Variants in NAALAD2 observed in about 807,000 individuals in gnomAD.
The protein encoded by NAALAD2 is N-acetylated alpha-linked acidic dipeptidase 2, also known as N-acetylated-alpha-linked acidic dipeptidase 2.
Under a neutral mutation model 95.6 loss-of-function variants are expected in NAALAD2, and 89 were observed. The ratio of observed to expected loss-of-function variants is 0.93; its 90% CI spans 0.78 to 1.11. The LOEUF (loss-of-function observed/expected upper bound fraction) is 1.11. NAALAD2 is among the 50% of genes least tolerant of loss of function. NAALAD2 has a pLI of 0.00. For synonymous variants in NAALAD2, 264 were observed against 294.4 expected (o/e 0.90, Z 1.06); for missense variants, 894 against 872.4 (o/e 1.02, Z -0.31).
intron 18 of NAALAD2, among the ~76,000 whole-genome samples, chr11:90,186,992 C>T (rs1365330223): frequency 1.3e-5 from 2 of 150,450 alleles, no homozygotes; most frequent in African/African-American, 2.4e-5. Context: ...AAAAAACAAC[C>T]CCATCAAAAA....
intron 8 of NAALAD2, 118 bp downstream of exon 8, chr11:90,159,455 AT>A: frequency 4.6e-6 from 3 of 657,364 alleles, no homozygotes; most frequent in South Asian, 2.0e-5. Context: ...CTAAACAACC[AT>A]TTTACATTAC....
intron 6 of NAALAD2, among the ~76,000 whole-genome samples, chr11:90,153,752 C>G (rs929526867): frequency 7.2e-5 from 11 of 152,046 alleles, no homozygotes; most frequent in Non-Finnish European, 1.3e-4. Flanking sequence ...TATAGTTTCA[C>G]TGTATGAATC....
intron 16 of NAALAD2, among the ~76,000 whole-genome samples, chr11:90,180,778 T>A (rs1478049989): frequency 6.6e-6 from 1 of 152,068 alleles, no homozygotes; most frequent in Non-Finnish European, 1.5e-5. Flanking sequence ...CATCCATGTA[T>A]TCAACCAACT....
In NAALAD2 at chr11:90,168,977, G is replaced by A; in HGVS notation, c.1327G>A (p.Asp443Asn). The A allele has an allele frequency of 3.1e-6, 5 of 1,603,292 alleles. No individual in the cohort carries two copies. The highest frequency in any genetic ancestry group is 4.2e-6 in the Non-Finnish European group (5 of 1,176,536). Residue 443 changes from aspartate (D) to asparagine (N), a missense_variant, in exon 12 of 19, where the codon GAT becomes AAT. Physicochemically the swap from Asp to Asn is conservative, Grantham distance 23. Transcript: ENST00000534061. Reference protein sequence around the residue: ...QERSIAYINSDSSIEGNYTLR... With the variant: ...QERSIAYINSNSSIEGNYTLR... ...GAGAAGCATTGCTTATATCAACTCG[G>A]ATTCATCTATAGAAGGTAAATTTTA...
chr11:90,191,769 T>C lies in NAALAD2; in HGVS notation c.*22T>C, dbSNP rs1565160281. On this transcript the variant is annotated 3_prime_UTR_variant, in exon 19 of 19. Coordinates refer to ENST00000534061, the MANE Select transcript of NAALAD2 (RefSeq NM_005467.4). ...ATAGAAGGTCTCAAGTGGCTAGCCA[T>C]TAAAGGTGTTGCTAAAAGTCTGAGG... 2 of 1,469,584 alleles carry C rather than the reference T, an allele frequency of 1.4e-6. No homozygotes were observed. Among genetic ancestry groups the C allele is most frequent in the East Asian group, 2.4e-5 (1 of 41,264 alleles). The allele number at this position is 1,469,584 out of a possible 1,614,324, so 91.0% of individuals were successfully genotyped here. A position where few individuals can be genotyped will look rare whatever the true frequency, so the allele number is the denominator to read the frequency against.
chr11:90,162,877 G>GT lies in NAALAD2; in HGVS notation c.990-66dup, dbSNP rs1952335629. 9.1e-6 allele frequency: 8 copies of GT among 881,038 alleles called. No homozygotes were observed. The Admixed American group carries it at 1.0e-4, about 11-fold the overall frequency. The allele number at this position is 881,038 out of a possible 1,614,324, so 54.6% of individuals were successfully genotyped here. On this transcript the variant is annotated intron_variant, in intron 8 of 18. Coordinates refer to ENST00000534061, the MANE Select transcript of NAALAD2 (RefSeq NM_005467.4). ...ATAATAAAACACTATTATGAAAATA[G>GT]TTTTTTATAATAAAACACTGTAAAA...
rs1857325456 is a variant in NAALAD2 at position 90,191,491 on chromosome 11, TAAACA to T, written c.2034-63_2034-59del. On this transcript the variant is annotated intron_variant, in intron 18 of 18. Coordinates refer to ENST00000534061, the MANE Select transcript of NAALAD2 (RefSeq NM_005467.4). ...TATCACAAGGAAACATCATGTGGTC[TAAACA>T]AAAAGCATGCAAAATGCATGTATAC... 11 of 1,217,756 alleles carry T rather than the reference TAAACA, an allele frequency of 9.0e-6. 1 individual carries two copies. The South Asian group carries it at 2.3e-4, about 25-fold the overall frequency. The allele number at this position is 1,217,756 out of a possible 1,614,324, so 75.4% of individuals were successfully genotyped here.
At chr11:90,185,555 T>A (rs1031118624) in intron 18 of NAALAD2, among the ~76,000 whole-genome samples, 3 of 152,162 alleles carry the variant, frequency 2.0e-5, no homozygotes, top group African/African-American at 7.2e-5. Flanking sequence ...CAATCCTAGC[T>A]ACTTGGGAGG....
chr11:90,183,032 T>C, intron 18 of NAALAD2, 24 bp downstream of exon 18: 1 of 1,563,718 alleles, frequency 6.4e-7, no homozygotes, highest in South Asian at 1.1e-5. Context: ...AGGCGCCAAA[T>C]ACATCACTGT....
At chr11:90,146,874 A>G (rs576329) in intron 2 of NAALAD2, among the ~76,000 whole-genome samples, 1 of 152,184 alleles carries the variant, frequency 6.6e-6, no homozygotes, top group Non-Finnish European at 1.5e-5. Flanking sequence ...CTTTGAGATC[A>G]ATGAGATAAA....
chr11:90,164,988 A>C (rs920137229), intron 11 of NAALAD2, among the ~76,000 whole-genome samples: 2 of 152,126 alleles, frequency 1.3e-5, no homozygotes, highest in Non-Finnish European at 1.5e-5. Context: ...CCACCCTTTG[A>C]AAGTCCCCAG....
At chr11:90,190,502 A>G (rs982479710) in intron 18 of NAALAD2, among the ~76,000 whole-genome samples, 55 of 152,156 alleles carry the variant, frequency 3.6e-4, no homozygotes, top group African/African-American at 1.3e-3. Context: ...TTCAAAGGTT[A>G]TTCGCTTCCT....
rs1291437755 is a variant in NAALAD2, at chr11:90,168,270, C to T, written c.1279-659C>T. 3.9e-5 allele frequency among the ~76,000 whole-genome samples: 6 copies of T among 152,186 alleles called. No individual in the cohort carries two copies. In the East Asian group the frequency reaches 1.2e-3, roughly 29 times the overall value. On this transcript the variant is annotated intron_variant, in intron 11 of 18. Transcript: ENST00000534061. ...ACATCCGAACATCAGTAGGAATAAA[C>T]TCCGGACACGCCGCCTTTAAGAACG...
In NAALAD2 at chr11:90,177,706, G is replaced by T. The variant is rs887107346; in HGVS notation, c.1594-147G>T. Reference sequence around the variant, plus strand: ...GAGCTCAGGCAATCCACCTGCCTTGGCTTCCCAAAGTGCTAGGATTACAGA... The same window carrying T: ...GAGCTCAGGCAATCCACCTGCCTTGTCTTCCCAAAGTGCTAGGATTACAGA... On this transcript the variant is annotated intron_variant, in intron 15 of 18. Coordinates refer to ENST00000534061, the MANE Select transcript of NAALAD2 (RefSeq NM_005467.4). 45 of 643,646 alleles carry T rather than the reference G, an allele frequency of 7.0e-5. No homozygotes were observed. In the Admixed American group the frequency reaches 1.2e-3, roughly 17 times the overall value. 39.9% of individuals were successfully genotyped at this position (643,646 alleles called of 1,614,324 possible).
intron 3 of NAALAD2, 73 bp downstream of exon 3, chr11:90,147,589 G>A (rs1951777193): frequency 7.4e-7 from 1 of 1,344,818 alleles, no homozygotes; most frequent in South Asian, 1.4e-5. Flanking sequence ...GTAGGGTCAA[G>A]TAAAAGTAGA....
At chr11:90,150,636 A>C (rs1292002850) in intron 5 of NAALAD2, 29 bp downstream of exon 5, 2 of 1,550,674 alleles carry the variant, frequency 1.3e-6, no homozygotes, top group Non-Finnish European at 1.8e-6. Flanking sequence ...TTCTACAGAG[A>C]ATGAGAGGAT....
chr11:90,150,354 C>G, intron 4 of NAALAD2, 128 bp from the exon 5 acceptor site: 3 of 445,436 alleles, frequency 6.7e-6, no homozygotes, highest in Non-Finnish European at 7.7e-6. Flanking sequence ...TACTGTGGGT[C>G]TGTTTATTAC....
intron 6 of NAALAD2, among the ~76,000 whole-genome samples, chr11:90,155,473 C>A (rs528668029): frequency 0.025 from 2,568 of 102,866 alleles, 52 homozygotes; most frequent in African/African-American, 0.05. Flanking sequence ...ATTACATATA[C>A]ATGTATATAT....
At chr11:90,148,856 G>C (rs530849992) in intron 3 of NAALAD2, 150 bp from the exon 4 acceptor site, 3 of 459,510 alleles carry the variant, frequency 6.5e-6, no homozygotes, top group Middle Eastern at 6.3e-4. Flanking sequence ...TAATGATAAG[G>C]CTCTTTCTCA....
Sources: gnomAD v4.1 joint callset for allele counts (sites outside exome capture counted in the v4.1 genomes callset) on GRCh38, gnomAD v4.1.1 for gene constraint, MANE v1.5 for transcripts, NCBI Gene and HGNC (gene_info 2026-07-23, HGNC 2026-07-21) for gene names.